ARHGAP44: variants seen among roughly 807,000 people sequenced by gnomAD.
The protein encoded by ARHGAP44 is Rho GTPase activating protein 44.
A neutral mutation model predicts 106.8 loss-of-function variants in ARHGAP44; 43 were observed. The observed-to-expected ratio is 0.40, with a 90% CI of 0.32 to 0.52. ARHGAP44 has a LOEUF of 0.52. ARHGAP44 is among the 20% of genes least tolerant of loss of function. The probability of loss-of-function intolerance (pLI) is 0.48; values close to 1 mark genes in which losing one functional copy is unlikely to be tolerated. For missense variants in ARHGAP44, 866 were observed against 1,050.5 expected (o/e 0.82, Z 2.43); for synonymous variants, 439 against 410.3 (o/e 1.07, Z -0.85).
intron 1 of ARHGAP44, among the ~76,000 whole-genome samples, chr17:12,893,441 C>T (rs546597752): frequency 2.0e-5 from 3 of 152,308 alleles, no homozygotes; most frequent in African/African-American, 7.2e-5. Context: ...AGAGATGCTT[C>T]GTTATCACCA....
intron 1 of ARHGAP44, among the ~76,000 whole-genome samples, chr17:12,886,593 G>A (rs1332033655): frequency 6.6e-6 from 1 of 151,684 alleles, no homozygotes; most frequent in African/African-American, 2.4e-5. Flanking sequence ...TTTTATTTCA[G>A]TATTCATGTG....
chr17:12,986,708 A>AAAAAAAAAAGG (rs2039968707), intron 20 of ARHGAP44: 1 of 140,622 alleles, frequency 7.1e-6, no homozygotes, highest in Non-Finnish European at 1.5e-5. Context: ...AAAAAGAATG[A>AAAAAAAAAAGG]GCAGAAGATA....
chr17:12,844,153 G>A (rs371377899), intron 1 of ARHGAP44, among the ~76,000 whole-genome samples: 68 of 150,334 alleles, frequency 4.5e-4, no homozygotes, highest in African/African-American at 7.8e-4. Flanking sequence ...CCGCTATGCC[G>A]TAGAGCTCAC....
intron 1 of ARHGAP44, among the ~76,000 whole-genome samples, chr17:12,820,638 C>G (rs1280692676): frequency 1.3e-5 from 2 of 152,024 alleles, no homozygotes; most frequent in Non-Finnish European, 2.9e-5. Flanking sequence ...AGTCTGTGTT[C>G]CCTCAACACC....
intron 1 of ARHGAP44, among the ~76,000 whole-genome samples, chr17:12,800,649 A>G (rs2034064836): frequency 6.6e-6 from 1 of 152,246 alleles, no homozygotes. Flanking sequence ...CATCTGTGTC[A>G]TCTGTTGTCA....
chr17:12,852,525 A>T (rs1597941964), intron 1 of ARHGAP44, among the ~76,000 whole-genome samples: 1 of 144,824 alleles, frequency 6.9e-6, no homozygotes, highest in African/African-American at 2.6e-5. Flanking sequence ...CTTGTTTTCT[A>T]TTCTCTTTGG....
chr17:12,959,813 T>C (rs1036238213), intron 16 of ARHGAP44, among the ~76,000 whole-genome samples: 1 of 152,188 alleles, frequency 6.6e-6, no homozygotes, highest in African/African-American at 2.4e-5. Flanking sequence ...GCATAAAGCA[T>C]TGAATGGGAG....
chr17:12,932,187 G>A (rs1183498975), intron 7 of ARHGAP44, among the ~76,000 whole-genome samples: 2 of 151,978 alleles, frequency 1.3e-5, no homozygotes, highest in Non-Finnish European at 2.9e-5. Context: ...AATGCATGTT[G>A]CTCCTATTTT....
chr17:12,879,297 A>C (rs2036647328), intron 1 of ARHGAP44, among the ~76,000 whole-genome samples: 1 of 152,190 alleles, frequency 6.6e-6, no homozygotes, highest in Non-Finnish European at 1.5e-5. Context: ...TGGCAATGCC[A>C]TTATTTCATT....
chr17:12,790,018 C>T, intron 1 of ARHGAP44, 127 bp downstream of exon 1: 2 of 878,818 alleles, frequency 2.3e-6, no homozygotes, highest in Non-Finnish European at 3.3e-6. Flanking sequence ...GCACCAGCTC[C>T]CTCCAGGCGC....
intron 16 of ARHGAP44, among the ~76,000 whole-genome samples, chr17:12,968,700 G>T (rs11078109): frequency 0.1 from 15,695 of 151,588 alleles, 924 homozygotes; most frequent in South Asian, 0.2. Context: ...ATAAACTCCA[G>T]TCCTCATTTT....
intron 1 of ARHGAP44, among the ~76,000 whole-genome samples, chr17:12,818,557 A>G (rs916747767): frequency 2.0e-5 from 3 of 152,082 alleles, no homozygotes; most frequent in Non-Finnish European, 2.9e-5. Flanking sequence ...TTTGTAGACG[A>G]TGTGATCACC....
At chr17:12,827,857 G>A (rs2034966269) in intron 1 of ARHGAP44, among the ~76,000 whole-genome samples, 1 of 151,756 alleles carries the variant, frequency 6.6e-6, no homozygotes, top group Non-Finnish European at 1.5e-5. Context: ...TGGCCAACAT[G>A]GTGAAACCCC....
rs978494150 is a variant in ARHGAP44 at position 12,894,310 on chromosome 17, A to G, written c.54-630A>G. On this transcript the variant is annotated intron_variant, in intron 1 of 20. Coordinates refer to ENST00000379672, the MANE Select transcript of ARHGAP44 (RefSeq NM_014859.6). ...AAGAGAGAGTGAGAAAGAGAGGGGG[A>G]GAGAGAGAGAGAGAGAGCGTTAAAT... 1.3e-3 allele frequency among the ~76,000 whole-genome samples: 192 copies of G among 149,706 alleles called. 2 individuals carry two copies. Among genetic ancestry groups the G allele is most frequent in the Admixed American group, 0.012 (176 of 14,942 alleles).
intron 1 of ARHGAP44, among the ~76,000 whole-genome samples, chr17:12,790,898 G>A (rs1360021098): frequency 6.6e-6 from 1 of 152,180 alleles, no homozygotes; most frequent in Non-Finnish European, 1.5e-5. Context: ...CTGTTCTAAA[G>A]CAATCAGAAA....
At chr17:12,927,628 C>T (rs927462720) in intron 6 of ARHGAP44, among the ~76,000 whole-genome samples, 1 of 152,196 alleles carries the variant, frequency 6.6e-6, no homozygotes, top group African/African-American at 2.4e-5. Context: ...CTTCTCTAGT[C>T]AGTTGAAACA....
intron 1 of ARHGAP44, among the ~76,000 whole-genome samples, chr17:12,879,683 GTATA>G (rs533622463): frequency 8.8e-6 from 1 of 113,332 alleles, no homozygotes; most frequent in Non-Finnish European, 2.0e-5. Flanking sequence ...GTGTGTATGT[GTATA>G]TATATATATA....
intron 15 of ARHGAP44, among the ~76,000 whole-genome samples, chr17:12,957,965 T>C (rs755246437): frequency 1.3e-4 from 20 of 152,198 alleles, no homozygotes; most frequent in Non-Finnish European, 2.4e-4. Flanking sequence ...TGTTTTAAGG[T>C]CGAACTGCTG....
intron 1 of ARHGAP44, among the ~76,000 whole-genome samples, chr17:12,841,631 C>T (rs1369827427): frequency 9.4e-6 from 1 of 106,286 alleles, no homozygotes; most frequent in Non-Finnish European, 2.1e-5. Context: ...CACACACACA[C>T]ACACACACAA....
Sources: allele counts gnomAD v4.1 joint callset (sites outside exome capture counted in the v4.1 genomes callset), GRCh38; gene constraint gnomAD v4.1.1; transcripts MANE v1.5; gene names NCBI Gene and HGNC (gene_info 2026-07-23, HGNC 2026-07-21).